Variants in SCN8A observed in about 807,000 individuals in gnomAD.
SCN8A encodes the protein sodium voltage-gated channel alpha subunit 8.
A neutral mutation model predicts 184.1 loss-of-function variants in SCN8A; 30 were observed. The observed-to-expected ratio is 0.16, with a 90% confidence interval of 0.12 to 0.22. The LOEUF (loss-of-function observed/expected upper bound fraction) is 0.22. Ranked by LOEUF, SCN8A falls within the 10% of genes least tolerant of loss-of-function variation. SCN8A has a pLI of 1.00. For synonymous variants in SCN8A, 852 were observed against 907.0 expected (o/e 0.94, Z 1.09); for missense variants, 1,057 against 2,498.9 (o/e 0.42, Z 12.30).
chr12:51,732,897 T>C (rs1942265802), intron 12 of SCN8A, among the ~76,000 whole-genome samples: 1 of 152,192 alleles, frequency 6.6e-6, no homozygotes, highest in Non-Finnish European at 1.5e-5. Context: ...CTGGTTTTTG[T>C]ATGTTGATTT....
chr12:51,766,141 T>C (rs1010670639), intron 16 of SCN8A, 114 bp downstream of exon 16: 3 of 870,416 alleles, frequency 3.4e-6, no homozygotes, highest in African/African-American at 3.3e-5. Context: ...TGTTTGTTGA[T>C]TTTTATTCTT....
intron 14 of SCN8A, among the ~76,000 whole-genome samples, chr12:51,754,174 A>C (rs143756247): frequency 4.7e-4 from 71 of 152,302 alleles, no homozygotes; most frequent in African/African-American, 1.5e-3. Context: ...TGTGTGACTT[A>C]TACAGCCTCT....
At chr12:51,591,758 T>A (rs1939224589) in intron 1 of SCN8A, among the ~76,000 whole-genome samples, 1 of 152,076 alleles carries the variant, frequency 6.6e-6, no homozygotes, top group Admixed American at 6.5e-5. Context: ...AGGGCAGCGC[T>A]GTCGGGATCT....
At chr12:51,609,591 A>C (rs1471610084) in intron 1 of SCN8A, among the ~76,000 whole-genome samples, 1 of 152,066 alleles carries the variant, frequency 6.6e-6, no homozygotes, top group African/African-American at 2.4e-5. Context: ...TGTCTGATAT[A>C]AGAATAGCTA....
At chr12:51,666,932 T>C (rs544674431) in intron 2 of SCN8A, among the ~76,000 whole-genome samples, 64 of 152,336 alleles carry the variant, frequency 4.2e-4, no homozygotes, top group Admixed American at 8.5e-4. Flanking sequence ...ACAATCTGAA[T>C]CATCCTCTCT....
chr12:51,732,999 A>G (rs553548195), intron 12 of SCN8A, among the ~76,000 whole-genome samples: 35 of 152,250 alleles, frequency 2.3e-4, no homozygotes, highest in Non-Finnish European at 4.3e-4. Flanking sequence ...ATCACCTGTA[A>G]ACAAGGATAA....
intron 20 of SCN8A, among the ~76,000 whole-genome samples, chr12:51,778,873 AGCT>A (rs1243947977): frequency 1.3e-5 from 2 of 152,066 alleles, no homozygotes; most frequent in African/African-American, 4.8e-5. Flanking sequence ...AGAATTTAAG[AGCT>A]GTTGATGGAA....
rs201983215 is a variant in SCN8A, at chr12:51,770,492, T to C, written c.3491-37T>C. ...AGAGGGCAGGTCTGGGCGGGGCACGTTTCCACGGTCTGACCCGCCTCTCCC... is the reference window on the plus strand; with the variant it reads ...AGAGGGCAGGTCTGGGCGGGGCACGCTTCCACGGTCTGACCCGCCTCTCCC... On this transcript the variant is annotated intron_variant, in intron 18 of 26. Coordinates refer to ENST00000627620, the MANE Select transcript of SCN8A (RefSeq NM_001330260.2). 1,364 of 1,531,670 alleles carry C rather than the reference T, an allele frequency of 8.9e-4. 2 individuals carry two copies. The highest frequency in any genetic ancestry group is 1.0e-3 in the Non-Finnish European group (1,181 of 1,135,062). The allele number at this position is 1,531,670 out of a possible 1,614,324, so 94.9% of individuals were successfully genotyped here. A position where few individuals can be genotyped will look rare whatever the true frequency, so the allele number is the denominator to read the frequency against.
chr12:51,788,760 C>T lies in SCN8A; in HGVS notation c.4281+12C>T, dbSNP rs770233333. 7.5e-6 allele frequency: 12 copies of T among 1,607,026 alleles called. No homozygotes were observed. The highest frequency in any genetic ancestry group is 1.3e-5 in the African/African-American group (1 of 74,754). On this transcript the variant is annotated intron_variant, in intron 23 of 26. Transcript: ENST00000627620. The stretch of plus-strand genomic sequence containing the variant: ...TAGATTCCCGGAAGGTAAGGATGTA[C>T]ATGGCGAAAATACCACCTTCTCAGA...
At chr12:51,713,185 T>C (rs1298741880) in intron 11 of SCN8A, 1 of 1,184,774 alleles carries the variant, frequency 8.4e-7, no homozygotes, top group African/African-American at 1.5e-5. Flanking sequence ...GTCTCTCAAA[T>C]TATATTCCTT....
At chr12:51,606,642 G>A (rs1330181546) in intron 1 of SCN8A, among the ~76,000 whole-genome samples, 1 of 152,034 alleles carries the variant, frequency 6.6e-6, no homozygotes, top group Non-Finnish European at 1.5e-5. Context: ...TGGCATTTTT[G>A]TGGGGATTGC....
intron 14 of SCN8A, among the ~76,000 whole-genome samples, chr12:51,752,675 G>A (rs187944318): frequency 2.6e-5 from 4 of 152,172 alleles, no homozygotes; most frequent in South Asian, 2.1e-4. Flanking sequence ...TGGAATGCCC[G>A]GAGTCTTGAA....
chr12:51,696,943 G>A (rs1254341569), intron 6 of SCN8A, among the ~76,000 whole-genome samples: 2 of 151,034 alleles, frequency 1.3e-5, no homozygotes, highest in African/African-American at 2.4e-5. Flanking sequence ...AGAGGCTGAG[G>A]CAGGAGAATC....
At chr12:51,651,754 A>G (rs1235630343) in intron 1 of SCN8A, among the ~76,000 whole-genome samples, 5 of 152,030 alleles carry the variant, frequency 3.3e-5, no homozygotes. Context: ...TCTACATATT[A>G]CCTCTATGAT....
intron 21 of SCN8A, among the ~76,000 whole-genome samples, chr12:51,784,850 A>G (rs1039983488): frequency 6.6e-6 from 1 of 152,210 alleles, no homozygotes; most frequent in Non-Finnish European, 1.5e-5. Context: ...GAGTAGAAGC[A>G]TAGTCAGAAG....
At chr12:51,765,368 A>G (rs564649380) in intron 15 of SCN8A, among the ~76,000 whole-genome samples, 1 of 152,242 alleles carries the variant, frequency 6.6e-6, no homozygotes, top group Non-Finnish European at 1.5e-5. Flanking sequence ...GGAAAGGGAT[A>G]TGTTCATATG....
chr12:51,609,836 G>T (rs887624845), intron 1 of SCN8A, among the ~76,000 whole-genome samples: 1 of 132,076 alleles, frequency 7.6e-6, no homozygotes, highest in Admixed American at 7.7e-5. Context: ...GAGGGGGGAG[G>T]GGGGAGGGAT....
At chr12:51,594,424 A>G (rs1200526062) in intron 1 of SCN8A, among the ~76,000 whole-genome samples, 1 of 152,214 alleles carries the variant, frequency 6.6e-6, no homozygotes, top group African/African-American at 2.4e-5. Flanking sequence ...AAAGAATGCA[A>G]AAATAGAGAC....
At chr12:51,622,391 T>C (rs1176853019) in intron 1 of SCN8A, among the ~76,000 whole-genome samples, 1 of 152,204 alleles carries the variant, frequency 6.6e-6, no homozygotes, top group Non-Finnish European at 1.5e-5. Flanking sequence ...CAGTCAAGAG[T>C]ATTACATTGC....
Sources: gnomAD v4.1 joint callset for allele counts (sites outside exome capture counted in the v4.1 genomes callset) on GRCh38, gnomAD v4.1.1 for gene constraint, MANE v1.5 for transcripts, NCBI Gene and HGNC (gene_info 2026-07-23, HGNC 2026-07-21) for gene names.